Variants in HS6ST2 observed in about 807,000 individuals in gnomAD.
HS6ST2 encodes the protein heparan sulfate 6-O-sulfotransferase 2, also known as heparan-sulfate 6-O-sulfotransferase 2.
Under a neutral mutation model 33.0 loss-of-function variants are expected in HS6ST2, and 17 were observed. That is an observed-to-expected ratio of 0.52 (90% CI 0.35 to 0.77). HS6ST2 has a LOEUF of 0.77. Among genes scored for constraint, HS6ST2 ranks in the 30% least tolerant of loss-of-function variants. The probability of loss-of-function intolerance (pLI) is 0.01; values close to 1 mark genes in which losing one functional copy is unlikely to be tolerated. For synonymous variants in HS6ST2, 248 were observed against 237.1 expected (o/e 1.05, Z -0.42); for missense variants, 519 against 551.7 (o/e 0.94, Z 0.59).
intron 2 of HS6ST2, among the ~76,000 whole-genome samples, chrX:132,844,469 G>T (rs765739546): frequency 7.2e-4 from 80 of 111,557 alleles, no homozygotes; most frequent in African/African-American, 2.6e-3. Flanking sequence ...TAAAGGTTCT[G>T]CCTGGATGAG....
chrX:132,897,276 G>A (rs998465266), intron 2 of HS6ST2, among the ~76,000 whole-genome samples: 25 of 109,661 alleles, frequency 2.3e-4, no homozygotes, highest in Non-Finnish European at 4.2e-4. Context: ...CGGGGGGAGC[G>A]GGGGCAAGGG....
intron 2 of HS6ST2, among the ~76,000 whole-genome samples, chrX:132,956,586 T>C (rs1249876203): frequency 8.9e-6 from 1 of 112,477 alleles, no homozygotes; most frequent in African/African-American, 3.2e-5. Flanking sequence ...CAGGCCACCC[T>C]GCGGACAGAC....
intron 2 of HS6ST2, among the ~76,000 whole-genome samples, chrX:132,955,562 C>T (rs1274883620): frequency 1.8e-5 from 2 of 112,012 alleles, no homozygotes; most frequent in African/African-American, 6.5e-5. Context: ...CCAAGTGCAC[C>T]CGGGGGATGG....
At chrX:132,748,570 G>C (rs1440256962) in intron 2 of HS6ST2, among the ~76,000 whole-genome samples, 1 of 111,318 alleles carries the variant, frequency 9.0e-6, no homozygotes, top group Non-Finnish European at 1.9e-5. Context: ...GAGTCCTAAC[G>C]CTTGGATCAT....
intron 2 of HS6ST2, among the ~76,000 whole-genome samples, chrX:132,927,068 C>G (rs1236030229): frequency 1.8e-5 from 2 of 111,849 alleles, no homozygotes; most frequent in African/African-American, 6.5e-5. Context: ...AACAAAGACT[C>G]TCTCCCACTG....
chrX:132,687,350 C>G (rs1227836000), intron 3 of HS6ST2, among the ~76,000 whole-genome samples: 3 of 110,987 alleles, frequency 2.7e-5, no homozygotes, highest in Non-Finnish European at 5.7e-5. Context: ...GGGAACCATG[C>G]TCATTTGGAT....
At position 132,865,903 on chromosome X, in the gene HS6ST2, C is replaced by T. The variant is rs756747556; in HGVS notation, c.947+90905G>A. Among the ~76,000 whole-genome samples, 81 of 111,283 alleles carry T rather than the reference C, an allele frequency of 7.3e-4. 1 individual carries two copies. In the South Asian group the frequency reaches 0.027, roughly 37 times the overall value. ...AGCCCTTTGTCAGATGAGCAGGTTG[C>T]GAAAATTTTCTCCCATTTTGTAGGT... is the stretch of plus-strand genomic sequence containing the variant. On this transcript the variant is annotated intron_variant, in intron 2 of 4. Coordinates refer to ENST00000370833, the MANE Select transcript of HS6ST2 (RefSeq NM_001394073.1).
chrX:132,712,550 A>G (rs2064241046), intron 2 of HS6ST2, among the ~76,000 whole-genome samples: 1 of 111,844 alleles, frequency 8.9e-6, no homozygotes, highest in Non-Finnish European at 1.9e-5. Flanking sequence ...TTTTACTTGC[A>G]AAGTGTTAAA....
At chrX:132,960,244 G>A (rs924296708), upstream of HS6ST2, among the ~76,000 whole-genome samples, 4 of 111,294 alleles carry the variant, frequency 3.6e-5, no homozygotes, top group African/African-American at 1.3e-4. Context: ...GTGAGCCAGG[G>A]TAGTGGGAAG....
intron 2 of HS6ST2, among the ~76,000 whole-genome samples, chrX:132,916,695 G>C (rs1477895921): frequency 8.9e-6 from 1 of 111,826 alleles, no homozygotes; most frequent in East Asian, 2.8e-4. Context: ...CTGAACATCA[G>C]ACTCCGGATT....
At chrX:132,698,297 G>C (rs2064117915) in intron 3 of HS6ST2, among the ~76,000 whole-genome samples, 1 of 112,201 alleles carries the variant, frequency 8.9e-6, no homozygotes, top group Admixed American at 9.4e-5. Flanking sequence ...ACATGTTACT[G>C]CTGTACTACA....
intron 3 of HS6ST2, among the ~76,000 whole-genome samples, chrX:132,672,306 TG>T (rs202064650): frequency 0.013 from 812 of 61,373 alleles, 5 homozygotes; most frequent in African/African-American, 0.045. Flanking sequence ...ATGAGATTGG[TG>T]GGGGGGGGTG....
intron 2 of HS6ST2, among the ~76,000 whole-genome samples, chrX:132,935,150 A>G (rs964363995): frequency 1.9e-5 from 2 of 104,843 alleles, no homozygotes; most frequent in Non-Finnish European, 3.9e-5. Flanking sequence ...AGATAATTCA[A>G]TAATAATAAT....
rs780917977 is a variant in HS6ST2, at chrX:132,794,571, G to GATTATTATT, written c.948-86078_948-86077insAATAATAAT. Among the ~76,000 whole-genome samples, 479 of 98,836 alleles carry GATTATTATT rather than the reference G, an allele frequency of 4.8e-3. 3 individuals are homozygous for GATTATTATT. Among genetic ancestry groups the GATTATTATT allele is most frequent in the South Asian group, 0.019 (38 of 2,017 alleles). 85.8% of individuals were successfully genotyped at this position (98,836 alleles called of 115,157 possible). On this transcript the variant is annotated intron_variant, in intron 2 of 4. Coordinates refer to ENST00000370833, the MANE Select transcript of HS6ST2 (RefSeq NM_001394073.1). ...ACCACTCCTGGATGATGATGATGAT[G>GATTATTATT]ATGATTATTATTATTATTATTATTA...
intron 2 of HS6ST2, among the ~76,000 whole-genome samples, chrX:132,823,540 C>CCT (rs1222390357): frequency 9.1e-6 from 1 of 109,414 alleles, no homozygotes; most frequent in Non-Finnish European, 1.9e-5. Context: ...TGGTTTTTCA[C>CCT]TCCTATGTTA....
At chrX:132,894,388 G>T (rs1387141258) in intron 2 of HS6ST2, among the ~76,000 whole-genome samples, 1 of 110,089 alleles carries the variant, frequency 9.1e-6, no homozygotes, top group Non-Finnish European at 1.9e-5. Context: ...TGATCCACCC[G>T]TCTCAGCCTC....
At chrX:132,744,316 C>T (rs2064614108) in intron 2 of HS6ST2, among the ~76,000 whole-genome samples, 1 of 111,507 alleles carries the variant, frequency 9.0e-6, no homozygotes, top group Non-Finnish European at 1.9e-5. Flanking sequence ...GCTTTAGAGT[C>T]ACTACAGAGC....
At chrX:132,683,628 G>A (rs894453472) in intron 3 of HS6ST2, among the ~76,000 whole-genome samples, 3 of 111,587 alleles carry the variant, frequency 2.7e-5, no homozygotes, top group Non-Finnish European at 3.8e-5. Context: ...AATGCATGCC[G>A]CTATTTGCCT....
intron 4 of HS6ST2, among the ~76,000 whole-genome samples, chrX:132,666,572 T>C (rs2063811735): frequency 9.0e-6 from 1 of 111,206 alleles, no homozygotes; most frequent in Non-Finnish European, 1.9e-5. Flanking sequence ...GAGCTTTTGG[T>C]AGGCAAGGAT....
Sources: gnomAD v4.1 joint callset for allele counts (sites outside exome capture counted in the v4.1 genomes callset) on GRCh38, gnomAD v4.1.1 for gene constraint, MANE v1.5 for transcripts, NCBI Gene and HGNC (gene_info 2026-07-23, HGNC 2026-07-21) for gene names.